IL18BP: variants seen among roughly 807,000 people sequenced by gnomAD.
IL18BP encodes the protein interleukin 18 binding protein.
IL18BP carries 23 observed loss-of-function variants against 19.9 expected under a neutral mutation model. That is an observed-to-expected ratio of 1.15 (90% CI 0.83 to 1.64). The LOEUF is 1.64. Ranked by LOEUF, IL18BP falls within the 40% of genes most tolerant of loss-of-function variation. The probability of loss-of-function intolerance (pLI) is 0.00; values close to 1 mark genes in which losing one functional copy is unlikely to be tolerated. For missense variants in IL18BP, 239 were observed against 240.7 expected (o/e 0.99, Z 0.05); for synonymous variants, 107 against 101.0 (o/e 1.06, Z -0.35).
In IL18BP at chr11:72,000,332, G is replaced by A. The variant is rs371872703; in HGVS notation, c.29-19G>A. ...ACTCTGTCTCCAGAGCCGCTGACCT[G>A]TAACTGTCCTTTCCTCAGACCTCAG... On this transcript the variant is annotated intron_variant, in intron 2 of 5. Coordinates refer to ENST00000393703, the MANE Select transcript of IL18BP (RefSeq NM_001039660.2). The A allele has an allele frequency of 1.4e-5, 22 of 1,610,194 alleles. No homozygotes were observed. The African/African-American group carries it at 2.0e-4, about 15-fold the overall frequency.
chr11:72,006,099 G>A, downstream of IL18BP: 2 of 1,614,148 alleles, frequency 1.2e-6, no homozygotes, highest in South Asian at 2.2e-5. Context: ...TGGTGGGGCG[G>A]TAGCCAGGCA....
Position 72,001,448 on chromosome 11 carries a change from G to T in IL18BP, c.403G>T (p.Val135Leu). Residue 135 changes from valine (V) to leucine (L), a missense_variant, in exon 5 of 6, where the codon GTG (valine) becomes TTG (leucine). By Grantham distance (32) the Val-to-Leu change is conservative. Transcript: ENST00000393703. The part of the protein sequence containing the change: ...STGTQLCKAL[V>L]LEQLTPALHS... ...AGGTACGCAGCTGTGCAAGGCCTTG[G>T]TGCTGGAGCAGCTGACCCCTGCCCT... 6.2e-7 allele frequency: 1 copy of T among 1,614,214 alleles called. No homozygotes were observed.
chr11:72,008,131 A>G (rs1344782977), downstream of IL18BP: 3 of 479,428 alleles, frequency 6.3e-6, no homozygotes, highest in Non-Finnish European at 1.2e-5. Context: ...TATAATTGTC[A>G]TGAGTGCTTT....
chr11:72,007,097 C>T, downstream of IL18BP: 1 of 1,469,642 alleles, frequency 6.8e-7, no homozygotes, highest in South Asian at 1.2e-5. Context: ...GCTGCTCATC[C>T]CTCCCTGCTC....
chr11:72,007,888 C>T (rs923108654), downstream of IL18BP: 8 of 353,386 alleles, frequency 2.3e-5, no homozygotes, highest in East Asian at 4.3e-4. Flanking sequence ...CCACTCCATG[C>T]TCATGTCCTT....
At chr11:72,003,830 T>C, downstream of IL18BP, 1 of 1,571,674 alleles carries the variant, frequency 6.4e-7, no homozygotes, top group Non-Finnish European at 8.7e-7. Flanking sequence ...TGGGGCGGTC[T>C]GGGGGGTGCC....
chr11:72,005,615 C>G (rs2845860), downstream of IL18BP: 1 of 525,178 alleles, frequency 1.9e-6, no homozygotes. Flanking sequence ...CTACATCTTA[C>G]TCACCTGCCA....
downstream of IL18BP, chr11:72,007,921 C>G: frequency 1.1e-5 from 4 of 351,634 alleles, no homozygotes; most frequent in South Asian, 9.0e-5. Context: ...TTCATCTCCT[C>G]TCACCTAGAC....
chr11:72,000,397 T>C lies in IL18BP; in HGVS notation c.75T>C (p.Thr25=). ...WVLLLCAHVV[T]LLVRATPVSQ... The stretch of plus-strand genomic sequence containing the variant: ...TGCTCCTGTGTGCCCACGTCGTCAC[T>C]CTCCTGGTCAGAGCCACACCTGTCT... The change falls in exon 3 of 6, where the codon ACT becomes ACC. Residue 25 remains threonine (T), a synonymous_variant. Transcript: ENST00000393703. 6.2e-7 allele frequency: 1 copy of C among 1,613,988 alleles called. No homozygotes were observed. The highest frequency in any genetic ancestry group is 8.5e-7 in the Non-Finnish European group (1 of 1,179,992).
downstream of IL18BP, chr11:72,007,199 G>C: frequency 6.2e-7 from 1 of 1,609,300 alleles, no homozygotes; most frequent in South Asian, 1.1e-5. Context: ...CTTGGTCATG[G>C]TGATGTTGAT....
At chr11:72,005,926 A>G (rs1955654294), downstream of IL18BP, 2 of 907,266 alleles carry the variant, frequency 2.2e-6, no homozygotes, top group Non-Finnish European at 3.4e-6. Context: ...GCTGGATGGT[A>G]GCAAGGAGGC....
Position 72,002,757 on chromosome 11 carries a change from A to T in IL18BP, c.*896A>T, listed in dbSNP as rs1232282073. 1.1e-5 allele frequency: 2 copies of T among 181,592 alleles called. No individual in the cohort carries two copies. Among genetic ancestry groups the T allele is most frequent in the Admixed American group, 6.3e-5 (1 of 15,930 alleles). 11.2% of individuals were successfully genotyped at this position (181,592 alleles called of 1,614,324 possible). The stretch of plus-strand genomic sequence containing the variant: ...AGCCTGGAAAGATGTGGCCTCAGGA[A>T]AAGGGATGAGAGAAAGGAGGTGGTA... On this transcript the variant is annotated 3_prime_UTR_variant, in exon 6 of 6. Coordinates refer to ENST00000393703, the MANE Select transcript of IL18BP (RefSeq NM_001039660.2).
downstream of IL18BP, chr11:72,007,904 G>T (rs1203962090): frequency 1.4e-5 from 5 of 353,106 alleles, no homozygotes; most frequent in Admixed American, 1.7e-4. Flanking sequence ...TCCTTTCCCT[G>T]GTCTGCTTCA....
At chr11:72,004,542 A>G (rs1955541924), downstream of IL18BP, 2 of 1,312,948 alleles carry the variant, frequency 1.5e-6, no homozygotes, top group Non-Finnish European at 2.1e-6. Context: ...GAGAGGGGGA[A>G]GTGAGGGAAG....
Position 72,000,242 on chromosome 11 carries a change from C to T in IL18BP, c.29-109C>T, listed in dbSNP as rs1223169740. ...GGGTGCTGAGGGGTCCCTCTTCCCG[C>T]TCTGATTCCCTGGCTAGAACCCAGA... is the stretch of plus-strand genomic sequence containing the variant. On this transcript the variant is annotated intron_variant, in intron 2 of 5. Transcript: ENST00000393703. The T allele has an allele frequency of 1.3e-5, 14 of 1,066,488 alleles. No individual in the cohort carries two copies. In the East Asian group the frequency reaches 3.3e-4, roughly 25 times the overall value. 66.1% of individuals were successfully genotyped at this position (1,066,488 alleles called of 1,614,324 possible).
downstream of IL18BP, chr11:72,005,916 G>A: frequency 1.2e-6 from 1 of 825,716 alleles, no homozygotes; most frequent in Non-Finnish European, 1.9e-6. Context: ...GGCAGGTGGA[G>A]CTGGATGGTA....
rs755777463 is a variant in IL18BP at position 72,000,347 on chromosome 11, T to A, written c.29-4T>A. 81 of 1,613,420 alleles carry A rather than the reference T, an allele frequency of 5.0e-5. No homozygotes were observed. The Middle Eastern group carries it at 1.3e-3, about 26-fold the overall frequency. ...CCGCTGACCTGTAACTGTCCTTTCC[T>A]CAGACCTCAGCCCTTTGTGGGTCCT... is the stretch of plus-strand genomic sequence containing the variant. On this transcript the variant is annotated splice_region_variant and splice_polypyrimidine_tract_variant and intron_variant, in intron 2 of 5. Coordinates refer to ENST00000393703, the MANE Select transcript of IL18BP (RefSeq NM_001039660.2).
At chr11:72,004,143 C>T (rs763717889), downstream of IL18BP, 121 of 1,610,286 alleles carry the variant, frequency 7.5e-5, no homozygotes, top group Non-Finnish European at 8.7e-5. Flanking sequence ...ATGCTGCCTT[C>T]CCAGGCCAGC....
chr11:72,006,322 C>T, downstream of IL18BP: 1 of 1,454,446 alleles, frequency 6.9e-7, no homozygotes, highest in Non-Finnish European at 9.5e-7. Context: ...CAGAAGCTTC[C>T]CATTCCCTTC....
Sources: allele counts gnomAD v4.1 joint callset, GRCh38; gene constraint gnomAD v4.1.1; transcripts MANE v1.5; gene names NCBI Gene and HGNC (gene_info 2026-07-23, HGNC 2026-07-21).